Variants in PARP4 observed in about 807,000 individuals in gnomAD.
The protein encoded by PARP4 is poly(ADP-ribose) polymerase family member 4, also known as protein mono-ADP-ribosyltransferase PARP4.
In PARP4, 120 loss-of-function variants were observed where a neutral mutation model predicts 187.7. That is an observed-to-expected ratio of 0.64 (90% CI 0.55 to 0.74). The LOEUF (loss-of-function observed/expected upper bound fraction) is 0.74. Ranked by LOEUF, PARP4 falls within the 30% of genes least tolerant of loss-of-function variation. The probability of loss-of-function intolerance (pLI) is 0.00; values close to 1 mark genes in which losing one functional copy is unlikely to be tolerated. For synonymous variants in PARP4, 654 were observed against 740.9 expected (o/e 0.88, Z 1.90); for missense variants, 1,836 against 2,070.5 (o/e 0.89, Z 2.20).
chr13:24,501,263 CTT>C (rs1454475164), intron 3 of PARP4, among the ~76,000 whole-genome samples: 1 of 152,158 alleles, frequency 6.6e-6, no homozygotes, highest in Non-Finnish European at 1.5e-5. Flanking sequence ...GGGAGACAAT[CTT>C]TTGTTTGGAA....
chr13:24,493,119 T>C (rs1868752731), intron 8 of PARP4, among the ~76,000 whole-genome samples: 1 of 152,242 alleles, frequency 6.6e-6, no homozygotes, highest in African/African-American at 2.4e-5. Flanking sequence ...TTGGGGTATC[T>C]TCTTTTGTCT....
intron 27 of PARP4, among the ~76,000 whole-genome samples, 167 bp downstream of exon 27, chr13:24,446,514 A>T (rs1871216323): frequency 6.6e-6 from 1 of 152,166 alleles, no homozygotes; most frequent in Non-Finnish European, 1.5e-5. Flanking sequence ...CAAAAACTTG[A>T]AAAAAAATTT....
At chr13:24,499,558 A>G (rs1332045263) in intron 4 of PARP4, among the ~76,000 whole-genome samples, 182 bp from the exon 5 acceptor site, 2 of 152,198 alleles carry the variant, frequency 1.3e-5, no homozygotes, top group Non-Finnish European at 2.9e-5. Flanking sequence ...TTGTTAAAAG[A>G]TCATTGGAAA....
chr13:24,494,765 A>G (rs186787783), intron 6 of PARP4, 43 bp from the exon 7 acceptor site: 203 of 1,389,058 alleles, frequency 1.5e-4, no homozygotes, highest in Admixed American at 9.7e-4. Context: ...CATTATTTAC[A>G]TATCTAGCTT....
intron 1 of PARP4, among the ~76,000 whole-genome samples, chr13:24,509,503 CAAA>C (rs753520993): frequency 1.9e-5 from 2 of 107,474 alleles, no homozygotes; most frequent in Non-Finnish European, 1.9e-5. Flanking sequence ...GACCCTATCT[CAAA>C]AAAAAAAAAA....
At position 24,499,324 on chromosome 13, in the gene PARP4, C is replaced by G; in HGVS notation, c.454G>C (p.Ala152Pro). The G allele has an allele frequency of 1.3e-6, 2 of 1,552,104 alleles. No homozygotes were observed. Among genetic ancestry groups the G allele is most frequent in the Non-Finnish European group, 1.7e-6 (2 of 1,151,858 alleles). Reference sequence around the variant, plus strand: ...ACTTTCTCCAAGGTGTTATATTTTGCAACTTCAAAATCTTGAGGAAGATGA... The same window carrying G: ...ACTTTCTCCAAGGTGTTATATTTTGGAACTTCAAAATCTTGAGGAAGATGA... The part of the protein sequence containing the change: ...IPHLPQDFEV[A>P]KYNTLEKVGM... Residue 152 changes from alanine to proline, a missense_variant, in exon 5 of 34, where the codon GCA becomes CCA. Around this residue, in one of 8 missense-constraint regions of PARP4, gnomAD observed 1,147 missense variants for 1,214.2 expected, o/e 0.94. Transcript: ENST00000381989.
intron 27 of PARP4, among the ~76,000 whole-genome samples, chr13:24,445,264 T>G (rs1593598961): frequency 6.6e-6 from 1 of 151,990 alleles, no homozygotes; most frequent in Non-Finnish European, 1.5e-5. Context: ...CCTACAGACA[T>G]AAGAAATGTA....
At chr13:24,463,776 A>C (rs573581445) in intron 17 of PARP4, among the ~76,000 whole-genome samples, 1 of 152,290 alleles carries the variant, frequency 6.6e-6, no homozygotes, top group East Asian at 1.9e-4. Context: ...TATTCAATAT[A>C]GTATTGGAAG....
intron 24 of PARP4, 50 bp from the exon 25 acceptor site, chr13:24,449,867 G>T (rs1371626611): frequency 8.7e-7 from 1 of 1,148,738 alleles, no homozygotes. Flanking sequence ...AAATATTTTT[G>T]AAGTACATGT....
intron 24 of PARP4, among the ~76,000 whole-genome samples, chr13:24,450,831 C>G (rs2137467554): frequency 6.6e-6 from 1 of 152,342 alleles, no homozygotes; most frequent in African/African-American, 2.4e-5. Context: ...AGCAGGCTCC[C>G]CCACTGCACA....
At chr13:24,424,742 A>G (rs1869931792) in intron 33 of PARP4, among the ~76,000 whole-genome samples, 1 of 144,380 alleles carries the variant, frequency 6.9e-6, no homozygotes, top group Non-Finnish European at 1.5e-5. Flanking sequence ...CACGATCTTG[A>G]CTCACTGCAA....
intron 10 of PARP4, among the ~76,000 whole-genome samples, chr13:24,489,459 T>C (rs980375913): frequency 4.6e-5 from 7 of 151,820 alleles, no homozygotes; most frequent in African/African-American, 1.7e-4. Context: ...AATACAAAAA[T>C]TAGCCAGGCG....
chr13:24,486,268 C>T lies in PARP4; in HGVS notation c.1252G>A (p.Gly418Ser). The T allele has an allele frequency of 6.2e-7, 1 of 1,607,572 alleles. No homozygotes were observed. Among genetic ancestry groups the T allele is most frequent in the Non-Finnish European group, 8.5e-7 (1 of 1,174,130 alleles). The change falls in exon 11 of 34, where the codon GGC becomes AGC. Residue 418 changes from glycine to serine, a missense_variant. By Grantham distance (56) the Gly-to-Ser change is moderately conservative. This residue lies in a region of PARP4 where 1,147 missense variants were observed against 1,214.2 expected (regional missense o/e 0.94). Transcript: ENST00000381989. ...PVDVLQIFRV[G>S]RVNETTEFLS... Reference sequence around the variant, plus strand: ...AACTCTGTGGTTTCATTCACTCTGCCAACTCTAAATATCTGCAAGACATCC... The same window carrying T: ...AACTCTGTGGTTTCATTCACTCTGCTAACTCTAAATATCTGCAAGACATCC...
At chr13:24,429,831 A>G (rs757703109) in intron 32 of PARP4, among the ~76,000 whole-genome samples, 2 of 152,132 alleles carry the variant, frequency 1.3e-5, no homozygotes, top group Non-Finnish European at 2.9e-5. Flanking sequence ...TCCCTCCTTT[A>G]TAGGATTTTA....
At chr13:24,466,191 T>A (rs559625515) in intron 17 of PARP4, among the ~76,000 whole-genome samples, 4 of 152,302 alleles carry the variant, frequency 2.6e-5, no homozygotes, top group Admixed American at 2.0e-4. Flanking sequence ...AAACTTAATT[T>A]TTTTATTTTT....
At position 24,455,190 on chromosome 13, in the gene PARP4, G is replaced by A. The variant is rs551789119; in HGVS notation, c.2585C>T (p.Pro862Leu). Reference sequence around the variant, plus strand: ...GTCAGGGAGGTCGACATCGAGATCGGGTTGAAAGACAAGCATGCAAGCCTG... The same window carrying A: ...GTCAGGGAGGTCGACATCGAGATCGAGTTGAAAGACAAGCATGCAAGCCTG... ...ESEACMLVFQPDLDVDLPDLA... is the reference protein window; with the variant it reads ...ESEACMLVFQLDLDVDLPDLA... The change falls in exon 22 of 34, where the codon CCC (proline) becomes CTC (leucine). Residue 862 changes from proline (P) to leucine (L), a missense_variant. By Grantham distance (98) the Pro-to-Leu change is moderately conservative. Transcript: ENST00000381989. The A allele has an allele frequency of 3.1e-6, 5 of 1,593,138 alleles. No individual in the cohort carries two copies. Among genetic ancestry groups the A allele is most frequent in the Non-Finnish European group, 4.3e-6 (5 of 1,163,682 alleles).
At chr13:24,426,725 T>TAA (rs879682555) in intron 32 of PARP4, 127 bp from the exon 33 acceptor site, 61 of 635,214 alleles carry the variant, frequency 9.6e-5, no homozygotes, top group African/African-American at 4.1e-4. Flanking sequence ...CCATCTCTGC[T>TAA]AAAAAAAAAA....
chr13:24,456,335 G>A lies in PARP4; in HGVS notation c.2562+6C>T, dbSNP rs1871850068. 6 of 1,603,686 alleles carry A rather than the reference G, an allele frequency of 3.7e-6. 1 individual carries two copies. In the South Asian group the frequency reaches 6.6e-5, roughly 18 times the overall value. On this transcript the variant is annotated splice_donor_region_variant and intron_variant, in intron 21 of 33. Transcript: ENST00000381989. ...GTCTCCTATGTCTAAGTAAAAAGGA[G>A]TATACCTCGCTTTCTTTTTCTGGAT...
chr13:24,509,590 T>C (rs1037952383), intron 1 of PARP4, among the ~76,000 whole-genome samples: 1 of 152,226 alleles, frequency 6.6e-6, no homozygotes, highest in Non-Finnish European at 1.5e-5. Flanking sequence ...CAATACATTT[T>C]TTAAATAGTA....
Sources: gnomAD v4.1 joint callset for allele counts (sites outside exome capture counted in the v4.1 genomes callset) on GRCh38, gnomAD v4.1.1 for gene constraint, gnomAD v4.1.1 regional missense constraint, MANE v1.5 for transcripts, NCBI Gene and HGNC (gene_info 2026-07-23, HGNC 2026-07-21) for gene names.